Variants in RBFOX3 observed in about 807,000 individuals in gnomAD.
RBFOX3 encodes RNA binding protein fox-1 homolog 3.
In RBFOX3, 17 loss-of-function variants were observed where a neutral mutation model predicts 48.7. That is an observed-to-expected ratio of 0.35 (90% confidence interval 0.24 to 0.52). The LOEUF (loss-of-function observed/expected upper bound fraction) is 0.52. RBFOX3 is among the 20% of genes least tolerant of loss of function. The probability of loss-of-function intolerance (pLI) is 0.94; values close to 1 mark genes in which losing one functional copy is unlikely to be tolerated. For synonymous variants in RBFOX3, 212 were observed against 209.5 expected (o/e 1.01, Z -0.10); for missense variants, 382 against 497.5 (o/e 0.77, Z 2.21).
At chr17:79,290,603 CTG>C (rs1483817128) in intron 3 of RBFOX3, among the ~76,000 whole-genome samples, 3 of 152,146 alleles carry the variant, frequency 2.0e-5, no homozygotes, top group Non-Finnish European at 4.4e-5. Flanking sequence ...CAAATGGAGT[CTG>C]AGGTTGACCC....
At chr17:79,540,197 C>T (rs782221725) in intron 1 of RBFOX3, among the ~76,000 whole-genome samples, 7 of 152,234 alleles carry the variant, frequency 4.6e-5, no homozygotes, top group Admixed American at 2.0e-4. Context: ...CATTCTGACT[C>T]GGAGTGAGCA....
At chr17:79,307,989 G>A (rs561605599) in intron 2 of RBFOX3, among the ~76,000 whole-genome samples, 165 bp from the exon 3 acceptor site, 2 of 152,346 alleles carry the variant, frequency 1.3e-5, no homozygotes, top group South Asian at 4.1e-4. Context: ...GCGTTAGGCT[G>A]GGAGAAGCTG....
chr17:79,370,365 C>T (rs558586765), intron 2 of RBFOX3, among the ~76,000 whole-genome samples: 1 of 152,350 alleles, frequency 6.6e-6, no homozygotes, highest in South Asian at 2.1e-4. Context: ...GCAGAATGCA[C>T]TTGCTGCCAC....
intron 1 of RBFOX3, chr17:79,598,860 T>C (rs1439081088): frequency 6.6e-6 from 1 of 152,184 alleles, no homozygotes; most frequent in Non-Finnish European, 1.5e-5. Flanking sequence ...AGGCAGCCCG[T>C]GTCCCCAGAA....
intron 2 of RBFOX3, among the ~76,000 whole-genome samples, chr17:79,366,411 A>G (rs2057755902): frequency 6.6e-6 from 1 of 152,174 alleles, no homozygotes. Flanking sequence ...TTCTAAAGGA[A>G]TGGGTGGGAT....
chr17:79,539,962 C>A (rs1257836213), intron 1 of RBFOX3, among the ~76,000 whole-genome samples: 1 of 152,198 alleles, frequency 6.6e-6, no homozygotes, highest in Non-Finnish European at 1.5e-5. Context: ...TGTCATTCAT[C>A]TGAAATCCGG....
At chr17:79,375,000 G>A (rs1418691224) in intron 2 of RBFOX3, among the ~76,000 whole-genome samples, 1 of 151,700 alleles carries the variant, frequency 6.6e-6, no homozygotes, top group Non-Finnish European at 1.5e-5. Context: ...TTCCCCTGCC[G>A]CTCCACCAGC....
At chr17:79,165,208 C>T (rs906885624) in intron 4 of RBFOX3, among the ~76,000 whole-genome samples, 7 of 152,138 alleles carry the variant, frequency 4.6e-5, no homozygotes, top group East Asian at 1.9e-4. Context: ...TCCCAGGCTG[C>T]GGTGAGCCAT....
chr17:79,097,678 G>T lies in RBFOX3; in HGVS notation c.622+14C>A, dbSNP rs1028999714. The T allele has an allele frequency of 4.3e-6, 4 of 923,310 alleles. No homozygotes were observed. The highest frequency in any genetic ancestry group is 6.2e-6 in the Non-Finnish European group (4 of 649,420). 57.2% of individuals were successfully genotyped at this position (923,310 alleles called of 1,614,324 possible). On this transcript the variant is annotated intron_variant, in intron 10 of 14. Transcript: ENST00000693108. Reference sequence around the variant, plus strand: ...GCTGGTCTCATCCCATCCCCGCCCCGCCCCAGCTTTTACCTGCATAGAATT... The same window carrying T: ...GCTGGTCTCATCCCATCCCCGCCCCTCCCCAGCTTTTACCTGCATAGAATT...
At chr17:79,283,149 G>A (rs1212220330) in intron 3 of RBFOX3, among the ~76,000 whole-genome samples, 1 of 152,172 alleles carries the variant, frequency 6.6e-6, no homozygotes, top group African/African-American at 2.4e-5. Context: ...TATGGAACAG[G>A]AGCAGCCTCC....
intron 1 of RBFOX3, among the ~76,000 whole-genome samples, chr17:79,498,120 C>T (rs1474257874): frequency 6.6e-6 from 1 of 152,234 alleles, no homozygotes; most frequent in Non-Finnish European, 1.5e-5. Context: ...GCTGAGAACA[C>T]AGACTGAGGC....
At chr17:79,284,543 C>CTTTTTTTTTTTTT (rs55731401) in intron 3 of RBFOX3, among the ~76,000 whole-genome samples, 4 of 135,776 alleles carry the variant, frequency 2.9e-5, no homozygotes, top group Non-Finnish European at 3.1e-5. Context: ...AAGAGACTCG[C>CTTTTTTTTTTTTT]TTTTTTTTTT....
intron 1 of RBFOX3, among the ~76,000 whole-genome samples, chr17:79,571,314 T>C (rs2092669699): frequency 6.6e-6 from 1 of 152,130 alleles, no homozygotes; most frequent in South Asian, 2.1e-4. Context: ...TGGTCCTTGC[T>C]GTACAGCTGA....
At position 79,097,721 on chromosome 17, in the gene RBFOX3, C is replaced by T. The variant is rs2075648974; in HGVS notation, c.593G>A (p.Gly198Asp). 20 of 1,551,016 alleles carry T rather than the reference C, an allele frequency of 1.3e-5. No individual in the cohort carries two copies. The highest frequency in any genetic ancestry group is 1.6e-5 in the Non-Finnish European group (18 of 1,146,820). Residue 198 changes from glycine (G) to aspartate (D), a missense_variant, in exon 10 of 15, where the codon GGC becomes GAC. By Grantham distance (94) the Gly-to-Asp change is moderately conservative. Around this residue, in one of 3 missense-constraint regions of RBFOX3, gnomAD observed 215 missense variants for 254.8 expected, o/e 0.84. Coordinates refer to ENST00000693108, the MANE Select transcript of RBFOX3 (RefSeq NM_001350451.2). Reference protein sequence around the residue: ...TNGWKLNPVVGAVYGPEFYAV... With the variant: ...TNGWKLNPVVDAVYGPEFYAV... ...ATAGAATTCAGGCCCGTAGACTGCG[C>T]CGACCACTGGATTTAGCTTCCAGCC...
intron 2 of RBFOX3, among the ~76,000 whole-genome samples, chr17:79,347,129 C>T (rs2083052705): frequency 1.3e-5 from 2 of 152,136 alleles, no homozygotes; most frequent in African/African-American, 4.8e-5. Context: ...ATGTAAAAGT[C>T]TATGTTCTAT....
At chr17:79,632,219 C>A in the RBFOX3 span, among the ~76,000 whole-genome samples, 13 of 152,224 alleles carry the variant, frequency 8.5e-5, no homozygotes, top group Middle Eastern at 3.4e-3. Context: ...TATTTGAAAG[C>A]ACGAACAGCC....
At chr17:79,141,364 G>A (rs1425535796) in intron 4 of RBFOX3, among the ~76,000 whole-genome samples, 1 of 152,240 alleles carries the variant, frequency 6.6e-6, no homozygotes, top group Non-Finnish European at 1.5e-5. Flanking sequence ...AGAGAGCAGG[G>A]AAGGCTACAG....
At chr17:79,500,250 C>CTTTTTTT (rs1222646327) in intron 1 of RBFOX3, among the ~76,000 whole-genome samples, 4 of 104,236 alleles carry the variant, frequency 3.8e-5, no homozygotes, top group African/African-American at 1.2e-4. Context: ...AGAGAAATGA[C>CTTTTTTT]TTTTTTTTTT....
At chr17:79,270,920 G>A (rs1290676154) in intron 3 of RBFOX3, among the ~76,000 whole-genome samples, 1 of 152,198 alleles carries the variant, frequency 6.6e-6, no homozygotes, top group Non-Finnish European at 1.5e-5. Context: ...CCAATGTTAT[G>A]CAACAACATG....
Sources: gnomAD v4.1 joint callset for allele counts (sites outside exome capture counted in the v4.1 genomes callset) on GRCh38, gnomAD v4.1.1 for gene constraint, gnomAD v4.1.1 regional missense constraint, MANE v1.5 for transcripts, NCBI Gene and HGNC (gene_info 2026-07-23, HGNC 2026-07-21) for gene names.